KCNT1: variants seen among roughly 807,000 people sequenced by gnomAD.
KCNT1 encodes potassium channel subfamily T member 1.
Under a neutral mutation model 147.8 loss-of-function variants are expected in KCNT1, and 78 were observed. The observed-to-expected ratio is 0.53, with a 90% CI of 0.44 to 0.64. KCNT1 has a LOEUF of 0.64. KCNT1 is among the 30% of genes least tolerant of loss of function. KCNT1 has a pLI of 0.00. For synonymous variants in KCNT1, 867 were observed against 748.8 expected, an observed-to-expected ratio of 1.16 and a Z score of -2.58; for missense variants, 1,419 against 1,750.3, an observed-to-expected ratio of 0.81 and a Z score of 3.38.
At chr9:135,774,901 C>T (rs1440885106) in intron 19 of KCNT1, among the ~76,000 whole-genome samples, 1 of 152,116 alleles carries the variant, frequency 6.6e-6, no homozygotes, top group Non-Finnish European at 1.5e-5. Flanking sequence ...ACCCACCCCT[C>T]GGTCTCCTCC....
Position 135,702,247 on chromosome 9 carries a change from C to T in KCNT1, c.-12C>T, listed in dbSNP as rs1835061313. On this transcript the variant is annotated 5_prime_UTR_variant, in exon 1 of 31. Transcript: ENST00000371757. ...GCTTCTCCCTCGGGTCGGGTCCGAG[C>T]TGCCAGGCCGCATGCCACTCCCTGA... 6.2e-7 allele frequency: 1 copy of T among 1,600,242 alleles called. No individual in the cohort carries two copies. The highest frequency in any genetic ancestry group is 8.5e-7 in the Non-Finnish European group (1 of 1,170,252).
At chr9:135,770,825 C>A in intron 17 of KCNT1, 32 bp from the exon 18 acceptor site, 1 of 1,529,428 alleles carries the variant, frequency 6.5e-7, no homozygotes, top group Non-Finnish European at 8.9e-7. Context: ...GGGTGAGCGG[C>A]GGTACCTGAA....
At chr9:135,711,164 A>G (rs1835470301) in intron 1 of KCNT1, among the ~76,000 whole-genome samples, 2 of 152,336 alleles carry the variant, frequency 1.3e-5, no homozygotes, top group East Asian at 3.9e-4. Context: ...CAGTGCACAG[A>G]TGAGGCCTCC....
In KCNT1 at chr9:135,759,832, C is replaced by T. The variant is rs540422455; in HGVS notation, c.1008C>T (p.Cys336=). The T allele has an allele frequency of 2.2e-4, 353 of 1,608,588 alleles. 3 individuals carry two copies. In the East Asian group the frequency reaches 5.8e-3, roughly 27 times the overall value. Residue 336 remains cysteine (C), a synonymous_variant, in exon 11 of 31, where the codon TGC becomes TGT. Coordinates refer to ENST00000371757, the MANE Select transcript of KCNT1 (RefSeq NM_020822.3). Reference sequence around the variant, plus strand: ...AGCTGCTGGTGGTCATCATGATCTGCGTGGCCCTCGTGGTGCTCCCACTGC... The same window carrying T: ...AGCTGCTGGTGGTCATCATGATCTGTGTGGCCCTCGTGGTGCTCCCACTGC... The part of the protein sequence containing the change: ...PSQLLVVIMI[C]VALVVLPLQF...
intron 11 of KCNT1, among the ~76,000 whole-genome samples, chr9:135,762,410 A>G (rs1261212524): frequency 6.6e-6 from 1 of 151,598 alleles, no homozygotes; most frequent in Non-Finnish European, 1.5e-5. Flanking sequence ...TCGCCATCGC[A>G]CTCTAGCCTA....
chr9:135,779,872 C>T (rs537934196), intron 24 of KCNT1, among the ~76,000 whole-genome samples: 5 of 152,392 alleles, frequency 3.3e-5, no homozygotes, highest in East Asian at 1.9e-4. Flanking sequence ...ATAACGCACA[C>T]GGCTGCACCA....
chr9:135,772,668 T>G, intron 18 of KCNT1, 47 bp from the exon 19 acceptor site: 5 of 1,317,560 alleles, frequency 3.8e-6, no homozygotes, highest in Non-Finnish European at 4.9e-6. Context: ...TCGCCGCCCA[T>G]GGAGGGTGGG....
intron 5 of KCNT1, 79 bp from the exon 6 acceptor site, chr9:135,755,042 T>G: frequency 7.3e-7 from 1 of 1,367,958 alleles, no homozygotes; most frequent in Non-Finnish European, 1.0e-6. Context: ...AGGCCAATGG[T>G]TATGGCCCCA....
chr9:135,723,122 G>A (rs997171451), intron 2 of KCNT1, among the ~76,000 whole-genome samples: 3 of 152,236 alleles, frequency 2.0e-5, no homozygotes, highest in Non-Finnish European at 4.4e-5. Flanking sequence ...CACACTGCCT[G>A]TGCCTCCCCA....
At chr9:135,784,428 G>T in intron 25 of KCNT1, 107 bp from the exon 26 acceptor site, 2 of 823,780 alleles carry the variant, frequency 2.4e-6, no homozygotes, top group East Asian at 5.4e-5. Flanking sequence ...GCGAGCCCGT[G>T]GCCGGTGGGG....
chr9:135,787,094 C>A (rs544230108), intron 29 of KCNT1, among the ~76,000 whole-genome samples: 2 of 152,154 alleles, frequency 1.3e-5, no homozygotes, highest in East Asian at 3.9e-4. Flanking sequence ...AGGGGGGAGA[C>A]TTTGGGGGAA....
chr9:135,771,182 T>C (rs994822844), intron 18 of KCNT1, 87 bp downstream of exon 18: 3 of 1,255,252 alleles, frequency 2.4e-6, no homozygotes, highest in African/African-American at 2.9e-5. Flanking sequence ...CCAGGTGGGA[T>C]GGGAGACCAG....
Position 135,731,960 on chromosome 9 carries a change from GTATATATA to G in KCNT1, c.254+17265_254+17272del, listed in dbSNP as rs776201547. Among the ~76,000 whole-genome samples, 359 of 41,404 alleles carry G rather than the reference GTATATATA, an allele frequency of 8.7e-3. 7 individuals are homozygous for G. Among genetic ancestry groups the G allele is most frequent in the African/African-American group, 0.019 (217 of 11,242 alleles). 27.2% of individuals were successfully genotyped at this position (41,404 alleles called of 152,430 possible). On this transcript the variant is annotated intron_variant, in intron 2 of 30. Coordinates refer to ENST00000371757, the MANE Select transcript of KCNT1 (RefSeq NM_020822.3). ...ATCTAAATACTTTTCAAATATGCGT[GTATATATA>G]TATATATATATATATATATATATAG...
chr9:135,724,577 A>G (rs902675839), intron 2 of KCNT1, among the ~76,000 whole-genome samples: 14 of 152,244 alleles, frequency 9.2e-5, no homozygotes, highest in Non-Finnish European at 1.9e-4. Flanking sequence ...TAGGCACCAG[A>G]TTCAGCAAAT....
At chr9:135,782,876 G>A (rs1022684697) in intron 24 of KCNT1, among the ~76,000 whole-genome samples, 6 of 152,240 alleles carry the variant, frequency 3.9e-5, no homozygotes, top group East Asian at 3.8e-4. Context: ...GAGCGGAAAC[G>A]CCGCACGAAA....
At chr9:135,703,522 A>T (rs1024105847) in intron 1 of KCNT1, among the ~76,000 whole-genome samples, 2 of 152,206 alleles carry the variant, frequency 1.3e-5, no homozygotes, top group African/African-American at 2.4e-5. Flanking sequence ...TGTGAGGAGC[A>T]GGTGCTCTGA....
chr9:135,763,244 A>ATGACTGGAAAGACTGAGCCTT (rs141142431), intron 11 of KCNT1, among the ~76,000 whole-genome samples: 35,457 of 151,852 alleles, frequency 0.23, 4,277 homozygotes, highest in Middle Eastern at 0.34. Context: ...CCTCCTCCGA[A>ATGACTGGAAAGACTGAGCCTT]TGACTGGAAA....
intron 2 of KCNT1, among the ~76,000 whole-genome samples, chr9:135,722,107 G>C (rs1835947900): frequency 6.6e-6 from 1 of 152,170 alleles, no homozygotes; most frequent in Non-Finnish European, 1.5e-5. Flanking sequence ...GGCATCACCT[G>C]GCTGTGGGGG....
Position 135,784,776 on chromosome 9 carries a change from G to A in KCNT1, c.3043G>A (p.Gly1015Ser). 1 of 1,612,672 alleles carries A rather than the reference G, an allele frequency of 6.2e-7. No homozygotes were observed. The highest frequency in any genetic ancestry group is 8.5e-7 in the Non-Finnish European group (1 of 1,179,912). ...GYLCAMKITE[G>S]DLWIRTYGRL... ...CACCCTGCAGATGAAAATCACCGAG[G>A]GCGACCTGTGGATCCGCACGTACGG... Residue 1015 changes from glycine (G) to serine (S), a missense_variant, in exon 27 of 31, where the codon GGC becomes AGC. Around this residue, in one of 5 missense-constraint regions of KCNT1, gnomAD observed 247 missense variants for 397.1 expected, o/e 0.62. Transcript: ENST00000371757.
Sources: gnomAD v4.1 joint callset for allele counts (sites outside exome capture counted in the v4.1 genomes callset) on GRCh38, gnomAD v4.1.1 for gene constraint, gnomAD v4.1.1 regional missense constraint, MANE v1.5 for transcripts, NCBI Gene and HGNC (gene_info 2026-07-23, HGNC 2026-07-21) for gene names.